FHIT: variants seen among roughly 807,000 people sequenced by gnomAD.
FHIT encodes the protein fragile histidine triad diadenosine triphosphatase, also known as bis(5'-adenosyl)-triphosphatase.
FHIT carries 19 observed loss-of-function variants against 17.9 expected under a neutral mutation model. That is an observed-to-expected ratio of 1.06 (90% CI 0.74 to 1.56). FHIT has a LOEUF of 1.56. Ranked by LOEUF, FHIT falls within the 40% of genes most tolerant of loss-of-function variation. The pLI is 0.00. For missense variants in FHIT, 248 were observed against 189.2 expected, an observed-to-expected ratio of 1.31 and a Z score of -1.82; for synonymous variants, 81 against 69.7, an observed-to-expected ratio of 1.16 and a Z score of -0.81.
chr3:61,068,246 C>G (rs2034680035), intron 2 of FHIT, among the ~76,000 whole-genome samples: 1 of 152,224 alleles, frequency 6.6e-6, no homozygotes, highest in Non-Finnish European at 1.5e-5. Flanking sequence ...AGACTCCTTT[C>G]TGCAGTCTCT....
intron 3 of FHIT, among the ~76,000 whole-genome samples, chr3:60,890,010 T>C (rs1553760283): frequency 6.6e-6 from 1 of 152,174 alleles, no homozygotes; most frequent in Admixed American, 6.5e-5. Context: ...TCAGAGTTTA[T>C]GAACATCCAA....
chr3:60,713,943 A>C (rs1178135658), intron 4 of FHIT, among the ~76,000 whole-genome samples: 1 of 151,910 alleles, frequency 6.6e-6, no homozygotes, highest in African/African-American at 2.4e-5. Flanking sequence ...TGAGGCCAGC[A>C]TCATCCTGAT....
intron 2 of FHIT, among the ~76,000 whole-genome samples, chr3:61,160,405 A>G (rs1202303160): frequency 2.0e-5 from 3 of 152,198 alleles, no homozygotes; most frequent in Admixed American, 6.5e-5. Context: ...GACGTTGGAA[A>G]TTTTCACTTA....
chr3:60,441,800 A>ATATATAAAAATATATATATATATT (rs2030896251), intron 5 of FHIT, among the ~76,000 whole-genome samples: 1 of 114,754 alleles, frequency 8.7e-6, no homozygotes, highest in South Asian at 3.5e-4. Flanking sequence ...ATATATATAT[A>ATATATAAAAATATATATATATATT]TATATATATA....
At chr3:60,855,359 A>G (rs1358835849) in intron 3 of FHIT, among the ~76,000 whole-genome samples, 1 of 152,170 alleles carries the variant, frequency 6.6e-6, no homozygotes, top group East Asian at 1.9e-4. Flanking sequence ...AAAAAGTCAT[A>G]GTTGCAAGAG....
chr3:60,985,707 C>G (rs1266796765), intron 3 of FHIT, among the ~76,000 whole-genome samples: 1 of 152,204 alleles, frequency 6.6e-6, no homozygotes, highest in African/African-American at 2.4e-5. Context: ...AAATTATGGC[C>G]TGAGATTTTG....
intron 7 of FHIT, among the ~76,000 whole-genome samples, chr3:60,007,702 T>C (rs1288973040): frequency 6.6e-6 from 1 of 152,210 alleles, no homozygotes; most frequent in Non-Finnish European, 1.5e-5. Context: ...CTGTGTATTT[T>C]TACGGACAGT....
intron 5 of FHIT, among the ~76,000 whole-genome samples, chr3:60,272,415 G>A (rs566082126): frequency 6.6e-6 from 1 of 152,296 alleles, no homozygotes; most frequent in South Asian, 2.1e-4. Context: ...CCAGATTATA[G>A]TCAGCAAAAT....
chr3:61,242,024 T>G (rs1021753156), intron 1 of FHIT, among the ~76,000 whole-genome samples: 1 of 152,154 alleles, frequency 6.6e-6, no homozygotes, highest in Non-Finnish European at 1.5e-5. Flanking sequence ...GCAGAAAGGT[T>G]CAGGAAATGC....
chr3:61,044,118 C>T (rs979608522), intron 2 of FHIT, among the ~76,000 whole-genome samples: 2 of 152,174 alleles, frequency 1.3e-5, no homozygotes, highest in Non-Finnish European at 2.9e-5. Context: ...GGGAACAAAG[C>T]TGGATGGAGA....
At chr3:60,904,975 A>T (rs1706327995) in intron 3 of FHIT, among the ~76,000 whole-genome samples, 1 of 151,660 alleles carries the variant, frequency 6.6e-6, no homozygotes, top group African/African-American at 2.4e-5. Flanking sequence ...ACCCATTTTT[A>T]GAATAAGAAA....
intron 4 of FHIT, among the ~76,000 whole-genome samples, chr3:60,739,126 G>C (rs1028265400): frequency 5.3e-5 from 8 of 152,134 alleles, no homozygotes; most frequent in African/African-American, 1.7e-4. Flanking sequence ...CCCCCAGCCA[G>C]CTCCCCATCC....
intron 3 of FHIT, among the ~76,000 whole-genome samples, chr3:60,997,059 G>C (rs1480560705): frequency 1.3e-5 from 2 of 152,202 alleles, no homozygotes; most frequent in African/African-American, 2.4e-5. Context: ...TTGCAGGCCT[G>C]TGTGCTGACT....
chr3:59,985,612 A>G (rs1708862555), intron 7 of FHIT, among the ~76,000 whole-genome samples: 1 of 152,136 alleles, frequency 6.6e-6, no homozygotes, highest in South Asian at 2.1e-4. Flanking sequence ...AATGAGTACA[A>G]CTTCACAAGT....
At chr3:60,458,863 C>T (rs1002546877) in intron 5 of FHIT, among the ~76,000 whole-genome samples, 2 of 152,086 alleles carry the variant, frequency 1.3e-5, no homozygotes, top group African/African-American at 4.8e-5. Flanking sequence ...CAGCCTTGAA[C>T]TCCTAGGCTC....
At chr3:61,218,079 G>A (rs937887516) in intron 1 of FHIT, among the ~76,000 whole-genome samples, 1 of 152,150 alleles carries the variant, frequency 6.6e-6, no homozygotes, top group Non-Finnish European at 1.5e-5. Context: ...AGATGGGACT[G>A]TAGCTAAGAG....
intron 5 of FHIT, among the ~76,000 whole-genome samples, chr3:60,078,965 G>A (rs1703154316): frequency 6.6e-6 from 1 of 151,924 alleles, no homozygotes; most frequent in African/African-American, 2.4e-5. Context: ...AAGAGAGGGA[G>A]CTTGACTTAA....
chr3:61,227,951 A>T (rs2040009971), intron 1 of FHIT, among the ~76,000 whole-genome samples: 2 of 152,202 alleles, frequency 1.3e-5, no homozygotes, highest in African/African-American at 4.8e-5. Flanking sequence ...AGCTACTAAT[A>T]TGAGGAGAGG....
chr3:59,917,059 G>T (rs1229028277), intron 8 of FHIT, among the ~76,000 whole-genome samples: 1 of 152,198 alleles, frequency 6.6e-6, no homozygotes, highest in African/African-American at 2.4e-5. Flanking sequence ...GTGTGAAAGA[G>T]ATCCAAGTTC....
Sources: allele counts gnomAD v4.1 joint callset (sites outside exome capture counted in the v4.1 genomes callset), GRCh38; gene constraint gnomAD v4.1.1; transcripts MANE v1.5; gene names NCBI Gene and HGNC (gene_info 2026-07-23, HGNC 2026-07-21).